Variants in UBE3D observed in about 807,000 individuals in gnomAD.
The protein encoded by UBE3D is E3 ubiquitin-protein ligase E3D.
A neutral mutation model predicts 49.6 loss-of-function variants in UBE3D; 48 were observed. The ratio of observed to expected loss-of-function variants is 0.97; its 90% CI spans 0.77 to 1.23. UBE3D has a LOEUF of 1.23. Ranked by LOEUF, UBE3D falls within the 50% of genes most tolerant of loss-of-function variation. The pLI, the probability that UBE3D is intolerant of heterozygous loss-of-function variation, is 0.00. For missense variants in UBE3D, 452 were observed against 468.4 expected (o/e 0.96, Z 0.32); for synonymous variants, 189 against 174.2 (o/e 1.08, Z -0.67).
At chr6:82,978,992 A>T (rs562448367) in intron 8 of UBE3D, among the ~76,000 whole-genome samples, 36 of 152,328 alleles carry the variant, frequency 2.4e-4, no homozygotes, top group African/African-American at 7.9e-4. Flanking sequence ...GAATAACATA[A>T]CATACATAGT....
At chr6:82,982,005 A>C (rs962508566) in intron 8 of UBE3D, among the ~76,000 whole-genome samples, 2 of 152,134 alleles carry the variant, frequency 1.3e-5, no homozygotes, top group African/African-American at 4.8e-5. Flanking sequence ...ATAGGCAGAG[A>C]CCTATAATAA....
At chr6:82,911,039 T>TGATG (rs978941310) in intron 9 of UBE3D, among the ~76,000 whole-genome samples, 2 of 151,812 alleles carry the variant, frequency 1.3e-5, no homozygotes, top group Non-Finnish European at 2.9e-5. Context: ...ACCACAGAGG[T>TGATG]GATGCATCAG....
intron 9 of UBE3D, among the ~76,000 whole-genome samples, chr6:82,941,549 C>T (rs1394378025): frequency 1.3e-5 from 2 of 151,836 alleles, no homozygotes; most frequent in Non-Finnish European, 2.9e-5. Flanking sequence ...TCTAGGAGCC[C>T]CTATAAGTTA....
At chr6:83,048,797 C>G (rs1783257127) in intron 3 of UBE3D, among the ~76,000 whole-genome samples, 1 of 152,024 alleles carries the variant, frequency 6.6e-6, no homozygotes, top group Non-Finnish European at 1.5e-5. Context: ...TTAATCATTG[C>G]TTTACTGAAA....
At chr6:83,032,165 G>T in intron 5 of UBE3D, 1 of 455,718 alleles carries the variant, frequency 2.2e-6, no homozygotes, top group East Asian at 6.9e-5. Context: ...TAGATCCATA[G>T]ACAGCTTACA....
chr6:83,063,887 T>C (rs1410305101), intron 1 of UBE3D, among the ~76,000 whole-genome samples: 1 of 152,178 alleles, frequency 6.6e-6, no homozygotes, highest in African/African-American at 2.4e-5. Flanking sequence ...CTTAGGTACT[T>C]ACCTAAAAAG....
At chr6:83,032,953 C>A (rs1475085312) in intron 5 of UBE3D, among the ~76,000 whole-genome samples, 1 of 152,086 alleles carries the variant, frequency 6.6e-6, no homozygotes, top group African/African-American at 2.4e-5. Flanking sequence ...TCTATTAAAC[C>A]TTTTTCTTTA....
chr6:82,992,017 C>G (rs1778919427), intron 8 of UBE3D, among the ~76,000 whole-genome samples: 1 of 151,858 alleles, frequency 6.6e-6, no homozygotes, highest in Non-Finnish European at 1.5e-5. Flanking sequence ...AAACAAAAAT[C>G]CCGAAAAGTT....
intron 8 of UBE3D, among the ~76,000 whole-genome samples, chr6:82,965,443 T>G (rs1776844455): frequency 6.6e-6 from 1 of 151,112 alleles, no homozygotes; most frequent in Non-Finnish European, 1.5e-5. Context: ...ATTAGCCAGG[T>G]GTGGTGGCGC....
chr6:82,987,132 T>TAAGAA (rs1778575541), intron 8 of UBE3D, among the ~76,000 whole-genome samples: 1 of 152,086 alleles, frequency 6.6e-6, no homozygotes, highest in African/African-American at 2.4e-5. Context: ...CACACCTGGC[T>TAAGAA]AATTAAAAAA....
rs910492062 is a variant in UBE3D at position 82,992,380 on chromosome 6, G to A, written c.1010+26593C>T. On this transcript the variant is annotated intron_variant, in intron 8 of 9. Transcript: ENST00000369747. The stretch of plus-strand genomic sequence containing the variant: ...TAGGATTACAGGTGCCTGCCACCAC[G>A]CCTGGCTAATTTTTGTAATTTTAGT... Among the ~76,000 whole-genome samples the A allele has an allele frequency of 6.6e-5, 10 of 152,042 alleles. No homozygotes were observed. In the East Asian group the frequency reaches 9.7e-4, roughly 15 times the overall value.
intron 9 of UBE3D, among the ~76,000 whole-genome samples, chr6:82,943,363 A>G (rs1319339582): frequency 6.6e-6 from 1 of 152,218 alleles, no homozygotes; most frequent in Non-Finnish European, 1.5e-5. Flanking sequence ...TCAGCCAGGC[A>G]CGGTGGCTCA....
intron 8 of UBE3D, among the ~76,000 whole-genome samples, chr6:82,976,474 G>A (rs1054900458): frequency 6.6e-6 from 1 of 152,102 alleles, no homozygotes; most frequent in African/African-American, 2.4e-5. Flanking sequence ...CAACTGCTCC[G>A]AGATTCTTTC....
chr6:82,950,889 G>C (rs1451705031), intron 9 of UBE3D, among the ~76,000 whole-genome samples: 1 of 151,926 alleles, frequency 6.6e-6, no homozygotes, highest in Non-Finnish European at 1.5e-5. Context: ...ACTTACTTGT[G>C]GGATCTAAAC....
intron 9 of UBE3D, among the ~76,000 whole-genome samples, chr6:82,932,863 C>A (rs1287492302): frequency 6.6e-6 from 1 of 151,988 alleles, no homozygotes; most frequent in Non-Finnish European, 1.5e-5. Flanking sequence ...TTTTAGACAC[C>A]AGGGGACATG....
At chr6:82,946,821 G>A (rs1775439199) in intron 9 of UBE3D, among the ~76,000 whole-genome samples, 1 of 151,892 alleles carries the variant, frequency 6.6e-6, no homozygotes, top group Non-Finnish European at 1.5e-5. Flanking sequence ...GTTTGTTTAT[G>A]CAAGCAGGGT....
intron 8 of UBE3D, among the ~76,000 whole-genome samples, chr6:82,992,486 G>C (rs1582573899): frequency 6.6e-6 from 1 of 152,144 alleles, no homozygotes; most frequent in East Asian, 1.9e-4. Context: ...GTCTCCCAAA[G>C]TGCTGGGATT....
intron 9 of UBE3D, among the ~76,000 whole-genome samples, chr6:82,921,351 G>A (rs368581983): frequency 6.6e-6 from 1 of 152,088 alleles, no homozygotes. Context: ...GGTAAGCCAG[G>A]GCTGAAAACA....
At chr6:82,943,352 C>T (rs1442665859) in intron 9 of UBE3D, among the ~76,000 whole-genome samples, 1 of 152,152 alleles carries the variant, frequency 6.6e-6, no homozygotes, top group African/African-American at 2.4e-5. Flanking sequence ...AGAACCGAAA[C>T]TCAGCCAGGC....
Sources: allele counts gnomAD v4.1 joint callset (sites outside exome capture counted in the v4.1 genomes callset), GRCh38; gene constraint gnomAD v4.1.1; transcripts MANE v1.5; gene names NCBI Gene and HGNC (gene_info 2026-07-23, HGNC 2026-07-21).